Variants in DNAH14 observed in about 807,000 individuals in gnomAD.
DNAH14 encodes the protein axonemal beta dynein heavy chain 14.
Under a neutral mutation model 520.9 loss-of-function variants are expected in DNAH14, and 478 were observed. The ratio of observed to expected loss-of-function variants is 0.92; its 90% CI spans 0.85 to 0.99. The LOEUF is 0.99. Among genes scored for constraint, DNAH14 ranks in the 50% least tolerant of loss-of-function variants. The pLI is 0.00. For synonymous variants in DNAH14, 1,581 were observed against 1,757.2 expected (o/e 0.90, Z 2.51); for missense variants, 4,831 against 5,234.5 (o/e 0.92, Z 2.38).
rs2080548026 is a variant in DNAH14, at chr1:225,152,044, T to G, written c.4980T>G (p.Ser1660=). The G allele has an allele frequency of 6.4e-7, 1 of 1,551,352 alleles. No homozygotes were observed. Among genetic ancestry groups the G allele is most frequent in the Non-Finnish European group, 8.7e-7 (1 of 1,146,864 alleles). The change falls in exon 32 of 86, where the codon TCT becomes TCG. Residue 1660 remains serine, a synonymous_variant. Transcript: ENST00000682510. ...GAAAAGAAATTCGTATCAATATGTCTTGTGCGGTATTTATCACCATGAATC... is the reference window on the plus strand; with the variant it reads ...GAAAAGAAATTCGTATCAATATGTCGTGTGCGGTATTTATCACCATGAATC... ...LEGKEIRINM[S]CAVFITMNPR...
chr1:224,955,280 C>G (rs571114934), intron 3 of DNAH14, among the ~76,000 whole-genome samples, 182 bp downstream of exon 3: 2 of 152,168 alleles, frequency 1.3e-5, no homozygotes, highest in Non-Finnish European at 2.9e-5. Context: ...GGAACATTAA[C>G]TACTCATAAT....
chr1:225,084,366 A>T (rs1427056151), intron 20 of DNAH14, among the ~76,000 whole-genome samples: 1 of 152,160 alleles, frequency 6.6e-6, no homozygotes, highest in Non-Finnish European at 1.5e-5. Flanking sequence ...GATTTGGCGC[A>T]GAAACTCAGC....
At chr1:224,932,637 C>A (rs2058768974) in intron 1 of DNAH14, among the ~76,000 whole-genome samples, 1 of 152,056 alleles carries the variant, frequency 6.6e-6, no homozygotes. Flanking sequence ...CAGTTTCATT[C>A]TTCTGCATGT....
At chr1:225,094,596 T>A (rs1327264139) in intron 21 of DNAH14, among the ~76,000 whole-genome samples, 1 of 145,596 alleles carries the variant, frequency 6.9e-6, no homozygotes, top group Non-Finnish European at 1.5e-5. Context: ...CCAAAAGCAA[T>A]TGTAATGTAA....
intron 8 of DNAH14, among the ~76,000 whole-genome samples, chr1:224,984,893 A>G (rs2062523629): frequency 6.6e-6 from 1 of 152,228 alleles, no homozygotes. Context: ...ATGATCAGGG[A>G]AATGCAAATC....
At chr1:224,945,065 C>T (rs919259388) in intron 1 of DNAH14, among the ~76,000 whole-genome samples, 2 of 152,184 alleles carry the variant, frequency 1.3e-5, no homozygotes, top group African/African-American at 2.4e-5. Context: ...GGAAGTTCTC[C>T]TGTATAATAT....
chr1:225,118,390 C>G (rs16843997), intron 25 of DNAH14, among the ~76,000 whole-genome samples: 11,106 of 152,212 alleles, frequency 0.073, 633 homozygotes, highest in East Asian at 0.24. Context: ...TTCTGCTGAT[C>G]TCTGGTTTCA....
intron 38 of DNAH14, among the ~76,000 whole-genome samples, chr1:225,196,768 T>C (rs2086192422): frequency 6.6e-6 from 1 of 152,226 alleles, no homozygotes; most frequent in African/African-American, 2.4e-5. Flanking sequence ...TAATTAGTGA[T>C]GTTGAGCATT....
chr1:225,073,078 A>G (rs1001682025), intron 17 of DNAH14, among the ~76,000 whole-genome samples: 3 of 152,100 alleles, frequency 2.0e-5, no homozygotes, highest in South Asian at 2.1e-4. Flanking sequence ...TGCCTCAGAC[A>G]TGGCAAGGAT....
chr1:225,324,051 G>A (rs2094605595), intron 62 of DNAH14, among the ~76,000 whole-genome samples, 171 bp from the exon 63 acceptor site: 1 of 152,010 alleles, frequency 6.6e-6, no homozygotes. Flanking sequence ...CCTGACCTCT[G>A]GTGACCCACC....
At chr1:225,151,094 G>A (rs569917008) in intron 31 of DNAH14, among the ~76,000 whole-genome samples, 69 of 152,248 alleles carry the variant, frequency 4.5e-4, no homozygotes, top group Middle Eastern at 3.4e-3. Flanking sequence ...TGCTTTTATT[G>A]AAAAGCTCTG....
chr1:225,274,197 A>ATTTTTTTTTTTT (rs869247051), intron 52 of DNAH14, among the ~76,000 whole-genome samples: 12 of 92,882 alleles, frequency 1.3e-4, no homozygotes, highest in Non-Finnish European at 2.1e-4. Context: ...AGCATCTGTT[A>ATTTTTTTTTTTT]TTTTTTTTTT....
intron 38 of DNAH14, among the ~76,000 whole-genome samples, chr1:225,199,238 T>C (rs1037745656): frequency 1.3e-5 from 2 of 152,166 alleles, no homozygotes; most frequent in African/African-American, 4.8e-5. Flanking sequence ...TGTCTTCTTT[T>C]CTTGGTTAAT....
chr1:224,954,820 A>G, intron 2 of DNAH14, 139 bp from the exon 3 acceptor site: 1 of 612,526 alleles, frequency 1.6e-6, no homozygotes. Context: ...ATTATGGAGC[A>G]TGTTAACCAT....
intron 11 of DNAH14, among the ~76,000 whole-genome samples, chr1:225,035,985 A>G (rs2066926330): frequency 6.6e-6 from 1 of 152,098 alleles, no homozygotes; most frequent in African/African-American, 2.4e-5. Context: ...AGATCTAATA[A>G]TTGTAAGAAT....
At chr1:224,986,438 C>G (rs557884267) in intron 8 of DNAH14, among the ~76,000 whole-genome samples, 2 of 151,806 alleles carry the variant, frequency 1.3e-5, no homozygotes, top group East Asian at 3.9e-4. Flanking sequence ...GTTTATTCAT[C>G]ATGACCAAAT....
intron 23 of DNAH14, among the ~76,000 whole-genome samples, chr1:225,115,755 A>C (rs1401032470): frequency 6.6e-6 from 1 of 152,222 alleles, no homozygotes; most frequent in Non-Finnish European, 1.5e-5. Flanking sequence ...ATTACTGAGG[A>C]TCATTACAAA....
At chr1:225,280,072 A>C (rs972092371) in intron 54 of DNAH14, among the ~76,000 whole-genome samples, 3 of 152,004 alleles carry the variant, frequency 2.0e-5, no homozygotes, top group African/African-American at 7.2e-5. Flanking sequence ...GCTCAACAGC[A>C]GATTTAACAT....
chr1:225,275,435 G>T (rs1242050360), intron 52 of DNAH14, among the ~76,000 whole-genome samples: 1 of 152,188 alleles, frequency 6.6e-6, no homozygotes, highest in Non-Finnish European at 1.5e-5. Flanking sequence ...GAGATGGTCA[G>T]ACTTCAAATA....
Sources: gnomAD v4.1 joint callset for allele counts (sites outside exome capture counted in the v4.1 genomes callset) on GRCh38, gnomAD v4.1.1 for gene constraint, MANE v1.5 for transcripts, NCBI Gene and HGNC (gene_info 2026-07-23, HGNC 2026-07-21) for gene names.